Variants in FSTL4 observed in about 807,000 individuals in gnomAD.
The protein encoded by FSTL4 is follistatin-related protein 4.
FSTL4 carries 28 observed loss-of-function variants against 78.2 expected under a neutral mutation model. The observed-to-expected ratio is 0.36, with a 90% CI of 0.27 to 0.49. The LOEUF is 0.49. FSTL4 is among the 20% of genes least tolerant of loss of function. FSTL4 has a pLI of 0.98. For missense variants in FSTL4, 922 were observed against 1,084.9 expected (o/e 0.85, Z 2.11); for synonymous variants, 422 against 440.5 (o/e 0.96, Z 0.53).
the FSTL4 span, among the ~76,000 whole-genome samples, chr5:133,836,188 T>C: frequency 6.6e-6 from 1 of 152,186 alleles, no homozygotes; most frequent in African/African-American, 2.4e-5. Flanking sequence ...TACTGATATA[T>C]TTGAGTTTAT....
At chr5:133,797,949 C>T in the FSTL4 span, among the ~76,000 whole-genome samples, 16,039 of 152,126 alleles carry the variant, frequency 0.11, 832 homozygotes, top group East Asian at 0.14. Flanking sequence ...CACGAAAACC[C>T]AGATATGCTA....
At chr5:133,535,046 G>T (rs369790991) in intron 3 of FSTL4, among the ~76,000 whole-genome samples, 1 of 152,194 alleles carries the variant, frequency 6.6e-6, no homozygotes, top group African/African-American at 2.4e-5. Context: ...AACTGTGGTC[G>T]TAAGGAGGGG....
At chr5:133,415,699 T>C (rs1580694339) in intron 3 of FSTL4, among the ~76,000 whole-genome samples, 1 of 151,732 alleles carries the variant, frequency 6.6e-6, no homozygotes, top group Non-Finnish European at 1.5e-5. Flanking sequence ...GGTGGCAAGG[T>C]GGGATTAGGT....
At chr5:133,339,553 G>T (rs950686218) in intron 4 of FSTL4, among the ~76,000 whole-genome samples, 5 of 152,064 alleles carry the variant, frequency 3.3e-5, no homozygotes, top group Non-Finnish European at 7.4e-5. Context: ...AGCCAATGGG[G>T]GTCCTGGCAT....
chr5:133,744,188 A>G, the FSTL4 span, among the ~76,000 whole-genome samples: 2 of 152,200 alleles, frequency 1.3e-5, no homozygotes. Flanking sequence ...AAAGATTCAT[A>G]ACCATCATGA....
At chr5:133,646,125 A>C in the FSTL4 span, among the ~76,000 whole-genome samples, 1 of 152,286 alleles carries the variant, frequency 6.6e-6, no homozygotes, top group South Asian at 2.1e-4. Flanking sequence ...ACAATTACAA[A>C]CTAATAAGTG....
Position 133,199,083 on chromosome 5 carries a change from G to C in FSTL4, c.*12C>G. On this transcript the variant is annotated 3_prime_UTR_variant, in exon 16 of 16. Transcript: ENST00000265342. This position sits in a 1 kb window ranked among gnomAD's most constrained non-coding sequence, Gnocchi z 4.4. Reference sequence around the variant, plus strand: ...GGGGTGTTCCTTGGCCCAGGGCTCTGCTCTGGGCCCTTCATACCTCACCCA... The same window carrying C: ...GGGGTGTTCCTTGGCCCAGGGCTCTCCTCTGGGCCCTTCATACCTCACCCA... The C allele has an allele frequency of 6.7e-7, 1 of 1,492,390 alleles. No homozygotes were observed. The highest frequency in any genetic ancestry group is 9.0e-7 in the Non-Finnish European group (1 of 1,105,788). The allele number at this position is 1,492,390 out of a possible 1,614,324, so 92.4% of individuals were successfully genotyped here.
chr5:133,735,561 A>T, the FSTL4 span, among the ~76,000 whole-genome samples: 18 of 152,230 alleles, frequency 1.2e-4, no homozygotes, highest in African/African-American at 4.3e-4. Context: ...GTCCCCAAAC[A>T]ACCTTTGCCA....
At chr5:133,216,369 C>A (rs1440499842) in intron 13 of FSTL4, among the ~76,000 whole-genome samples, 1 of 152,016 alleles carries the variant, frequency 6.6e-6, no homozygotes, top group Non-Finnish European at 1.5e-5. Flanking sequence ...CGGCTCACTG[C>A]AACCTCCACC....
chr5:133,294,905 T>C (rs12187721), intron 6 of FSTL4, among the ~76,000 whole-genome samples: 104,378 of 151,930 alleles, frequency 0.69, 36,187 homozygotes, highest in Non-Finnish European at 0.73. Context: ...TCCCTTACCC[T>C]CTCTTGACAA....
chr5:133,630,654 T>C, the FSTL4 span, among the ~76,000 whole-genome samples: 6 of 152,146 alleles, frequency 3.9e-5, no homozygotes, highest in Non-Finnish European at 8.8e-5. Context: ...AAATTTCATA[T>C]GGAACCAAAA....
rs923842816 is a variant in FSTL4, at chr5:133,338,490, C to A, written c.410-21838G>T. 2.6e-5 allele frequency among the ~76,000 whole-genome samples: 4 copies of A among 152,090 alleles called. No individual in the cohort carries two copies. The highest frequency in any genetic ancestry group is 9.7e-5 in the African/African-American group (4 of 41,364). On this transcript the variant is annotated intron_variant, in intron 4 of 15. Transcript: ENST00000265342. The surrounding 1 kb of genome is among the most constrained non-coding windows in gnomAD (Gnocchi z 4.0). ...TGTGGTTCTTTGGGACGTGGAGTGG[C>A]ATAAGCTATACAGAAACTTCCCTCT... is the stretch of plus-strand genomic sequence containing the variant.
chr5:133,239,361 C>T (rs1217687654), intron 7 of FSTL4, among the ~76,000 whole-genome samples: 2 of 152,242 alleles, frequency 1.3e-5, no homozygotes, highest in African/African-American at 4.8e-5. Flanking sequence ...CGGCACGGGA[C>T]TGGCAGGCAG....
intron 5 of FSTL4, 149 bp downstream of exon 5, chr5:133,316,310 G>T (rs993204022): frequency 3.7e-5 from 22 of 600,494 alleles, no homozygotes; most frequent in East Asian, 2.5e-4. Context: ...AGAGGCTAAA[G>T]GTGGCTGGTG....
chr5:133,432,351 T>G (rs1190247892), intron 3 of FSTL4, among the ~76,000 whole-genome samples: 1 of 152,200 alleles, frequency 6.6e-6, no homozygotes, highest in Non-Finnish European at 1.5e-5. Context: ...TTTCTGCCTC[T>G]CCCACAATAT....
At chr5:133,395,269 G>A (rs1755990667) in intron 4 of FSTL4, among the ~76,000 whole-genome samples, 1 of 152,162 alleles carries the variant, frequency 6.6e-6, no homozygotes, top group East Asian at 1.9e-4. Context: ...CCTTAGGTCT[G>A]CAGCTTCACT....
intron 6 of FSTL4, among the ~76,000 whole-genome samples, chr5:133,265,181 G>A (rs1415448603): frequency 2.7e-5 from 4 of 150,938 alleles, no homozygotes; most frequent in East Asian, 2.0e-4. Flanking sequence ...CGGAGGGAGC[G>A]GGCTCCTCTG....
chr5:133,797,855 C>T, the FSTL4 span, among the ~76,000 whole-genome samples: 2 of 152,102 alleles, frequency 1.3e-5, no homozygotes, highest in East Asian at 1.9e-4. Flanking sequence ...CAACCAGTCC[C>T]GCCGCAGGGG....
At chr5:133,214,996 C>T (rs899400307) in intron 13 of FSTL4, among the ~76,000 whole-genome samples, 4 of 152,206 alleles carry the variant, frequency 2.6e-5, no homozygotes, top group East Asian at 3.9e-4. Context: ...TCCTCACCTA[C>T]GATTCTAACT....
Sources: allele counts gnomAD v4.1 joint callset (sites outside exome capture counted in the v4.1 genomes callset), GRCh38; gene constraint gnomAD v4.1.1; non-coding constraint Gnocchi (gnomAD v3.1); transcripts MANE v1.5; gene names NCBI Gene and HGNC (gene_info 2026-07-23, HGNC 2026-07-21).